The following CDH13 variants were observed in gnomAD, a reference collection of about 807,000 sequenced individuals.
CDH13 encodes the protein cadherin 13.
Under a neutral mutation model 63.8 loss-of-function variants are expected in CDH13, and 24 were observed. That is an observed-to-expected ratio of 0.38 (90% CI 0.27 to 0.53). CDH13 has a LOEUF of 0.53. Ranked by LOEUF, CDH13 falls within the 20% of genes least tolerant of loss-of-function variation. CDH13 has a pLI of 0.85. For missense variants in CDH13, 1,049 were observed against 903.1 expected (o/e 1.16, Z -2.07); for synonymous variants, 503 against 355.3 (o/e 1.42, Z -4.67).
chr16:83,406,428 C>T (rs1244484409), intron 6 of CDH13, among the ~76,000 whole-genome samples: 9 of 147,426 alleles, frequency 6.1e-5, no homozygotes, highest in Non-Finnish European at 9.1e-5. Context: ...CCCCCCCCGC[C>T]TCTCTCTCTG....
At chr16:83,147,046 C>T (rs1046113998) in intron 4 of CDH13, among the ~76,000 whole-genome samples, 1 of 152,050 alleles carries the variant, frequency 6.6e-6, no homozygotes, top group Non-Finnish European at 1.5e-5. Context: ...TGAGATCACG[C>T]CGCTGTACTC....
intron 10 of CDH13, among the ~76,000 whole-genome samples, chr16:83,700,934 G>A (rs1567528077): frequency 6.6e-6 from 1 of 152,154 alleles, no homozygotes; most frequent in East Asian, 1.9e-4. Flanking sequence ...AAGGATGAAT[G>A]TAATGTTTAA....
At chr16:83,011,163 G>A (rs556236336) in intron 2 of CDH13, among the ~76,000 whole-genome samples, 8 of 152,218 alleles carry the variant, frequency 5.3e-5, no homozygotes, top group South Asian at 2.1e-4. Flanking sequence ...TGTGAGCTTC[G>A]AAGCCAAGCA....
chr16:83,483,648 C>A (rs1214413670), intron 6 of CDH13, among the ~76,000 whole-genome samples: 1 of 152,106 alleles, frequency 6.6e-6, no homozygotes, highest in Non-Finnish European at 1.5e-5. Flanking sequence ...GTGTACTTAA[C>A]TGGAGACTGG....
intron 10 of CDH13, among the ~76,000 whole-genome samples, chr16:83,732,473 T>C (rs1911134666): frequency 6.6e-6 from 1 of 152,152 alleles, no homozygotes. Flanking sequence ...TTTTGAAGCC[T>C]GAAAGGGACA....
At chr16:83,539,359 G>T (rs2075257275) in intron 7 of CDH13, among the ~76,000 whole-genome samples, 1 of 152,156 alleles carries the variant, frequency 6.6e-6, no homozygotes, top group African/African-American at 2.4e-5. Context: ...GAGCTCAGGT[G>T]GTCATGCTCA....
chr16:83,275,061 A>T (rs1371627729), intron 5 of CDH13, among the ~76,000 whole-genome samples: 1 of 152,080 alleles, frequency 6.6e-6, no homozygotes, highest in Admixed American at 6.5e-5. Context: ...TCCCACTATT[A>T]TACATGAGGG....
At chr16:82,829,007 G>C (rs748239131) in intron 1 of CDH13, among the ~76,000 whole-genome samples, 1 of 152,136 alleles carries the variant, frequency 6.6e-6, no homozygotes, top group Non-Finnish European at 1.5e-5. Flanking sequence ...CCTTAGGCTA[G>C]AGCGATGGGT....
At chr16:83,103,620 G>A (rs1036333362) in intron 3 of CDH13, among the ~76,000 whole-genome samples, 7 of 152,178 alleles carry the variant, frequency 4.6e-5, no homozygotes, top group Non-Finnish European at 7.3e-5. Context: ...CAGGCTCTGA[G>A]CGGAATGGCC....
rs2151026183 is a variant in CDH13, at chr16:83,797,940, C to T, written c.*2910C>T. ...TTCTAATTTCAATAAAAGTCACCTT[C>T]AATACCGCCAGTTCTCTCCAAATGA... On this transcript the variant is annotated 3_prime_UTR_variant, in exon 14 of 14. Transcript: ENST00000567109. 6.6e-6 allele frequency: 1 copy of T among 152,324 alleles called. No homozygotes were observed. The highest frequency in any genetic ancestry group is 2.1e-4 in the South Asian group (1 of 4,826). The allele number at this position is 152,324 out of a possible 1,614,324, so 9.4% of individuals were successfully genotyped here.
chr16:83,303,191 C>T (rs1214291570), intron 5 of CDH13, among the ~76,000 whole-genome samples: 1 of 152,208 alleles, frequency 6.6e-6, no homozygotes, highest in African/African-American at 2.4e-5. Flanking sequence ...AAAGCTTCCC[C>T]TTCACCTTCC....
intron 5 of CDH13, among the ~76,000 whole-genome samples, chr16:83,254,686 T>G (rs1905992985): frequency 6.6e-6 from 1 of 152,188 alleles, no homozygotes; most frequent in Admixed American, 6.5e-5. Context: ...ATAAATAAAT[T>G]TTTAAAAAGT....
chr16:83,026,690 C>G (rs985914044), intron 2 of CDH13, among the ~76,000 whole-genome samples: 3 of 152,072 alleles, frequency 2.0e-5, no homozygotes, highest in Admixed American at 6.5e-5. Context: ...TGCTATGAGG[C>G]TGAAAGGAGG....
At chr16:82,735,398 T>C (rs1199537839) in intron 1 of CDH13, among the ~76,000 whole-genome samples, 1 of 152,220 alleles carries the variant, frequency 6.6e-6, no homozygotes, top group East Asian at 1.9e-4. Context: ...GTGACTGTGC[T>C]ATTCATAGCA....
chr16:82,678,588 G>T (rs1047182098), intron 1 of CDH13, among the ~76,000 whole-genome samples: 2 of 152,196 alleles, frequency 1.3e-5, no homozygotes, highest in Non-Finnish European at 2.9e-5. Flanking sequence ...TGAGTGACTG[G>T]TAAGGAGGGT....
intron 1 of CDH13, among the ~76,000 whole-genome samples, chr16:82,828,918 T>C (rs2038390996): frequency 6.6e-6 from 1 of 152,124 alleles, no homozygotes; most frequent in Non-Finnish European, 1.5e-5. Context: ...CCCTCACAGA[T>C]ACCAAGGGAC....
chr16:82,692,827 G>A (rs1243208410), intron 1 of CDH13, among the ~76,000 whole-genome samples: 5 of 151,948 alleles, frequency 3.3e-5, no homozygotes, highest in African/African-American at 1.2e-4. Context: ...TTTAGTATAT[G>A]TGGTAGGCAG....
At chr16:83,060,037 G>A (rs1311841874) in intron 3 of CDH13, among the ~76,000 whole-genome samples, 1 of 151,860 alleles carries the variant, frequency 6.6e-6, no homozygotes, top group African/African-American at 2.4e-5. Context: ...CTTGTGATCC[G>A]CAAGCCTCGG....
At chr16:83,471,148 C>T (rs937587328) in intron 6 of CDH13, among the ~76,000 whole-genome samples, 3 of 152,062 alleles carry the variant, frequency 2.0e-5, no homozygotes, top group Admixed American at 6.5e-5. Context: ...GGATAAGCCC[C>T]TCATCTCAAG....
Sources: allele counts gnomAD v4.1 joint callset (sites outside exome capture counted in the v4.1 genomes callset), GRCh38; gene constraint gnomAD v4.1.1; transcripts MANE v1.5; gene names NCBI Gene and HGNC (gene_info 2026-07-23, HGNC 2026-07-21).